SLC6A14: variants seen among roughly 807,000 people sequenced by gnomAD.
The protein encoded by SLC6A14 is sodium- and chloride-dependent neutral and basic amino acid transporter B(0+).
In SLC6A14, 21 loss-of-function variants were observed where a neutral mutation model predicts 51.4. The observed-to-expected ratio is 0.41, with a 90% CI of 0.29 to 0.59. The LOEUF (loss-of-function observed/expected upper bound fraction) is 0.59, where lower values mean the gene tolerates loss of function less well. SLC6A14 is among the 20% of genes least tolerant of loss of function. SLC6A14 has a pLI of 0.31. For synonymous variants in SLC6A14, 177 were observed against 160.7 expected, an observed-to-expected ratio of 1.10 and a Z score of -0.77; for missense variants, 371 against 472.8, an observed-to-expected ratio of 0.78 and a Z score of 2.00.
In SLC6A14 at chrX:116,457,619, T is replaced by C. The variant is rs782570814; in HGVS notation, c.1625T>C (p.Ile542Thr). Residue 542 changes from isoleucine to threonine, a missense_variant, in exon 13 of 14, where the codon ATC (isoleucine) becomes ACC (threonine). Around this residue, in one of 2 missense-constraint regions of SLC6A14, gnomAD observed 94 missense variants for 81.0 expected, o/e 1.16. Transcript: ENST00000598581. ...ITPILLIAIFIWSLVQFHRPN... is the reference protein window; with the variant it reads ...ITPILLIAIFTWSLVQFHRPN... Reference sequence around the variant, plus strand: ...ATTTAACTTTGACAGGCAATATTTATCTGGTCATTGGTGCAATTTCATAGA... The same window carrying C: ...ATTTAACTTTGACAGGCAATATTTACCTGGTCATTGGTGCAATTTCATAGA... 8.3e-7 allele frequency: 1 copy of C among 1,206,066 alleles called. No individual in the cohort carries two copies. The highest frequency in any genetic ancestry group is 1.1e-6 in the Non-Finnish European group (1 of 892,159).
intron 6 of SLC6A14, 59 bp from the exon 7 acceptor site, chrX:116,446,682 C>T: frequency 1.1e-6 from 1 of 919,624 alleles, no homozygotes; most frequent in East Asian, 3.1e-5. Flanking sequence ...TACTTGTATA[C>T]AGTTATACAC....
At chrX:116,441,179 A>G in intron 3 of SLC6A14, 82 bp downstream of exon 3, 1 of 965,004 alleles carries the variant, frequency 1.0e-6, no homozygotes, top group East Asian at 3.2e-5. Context: ...AGCTACCTTC[A>G]CTGTGAGGAA....
chrX:116,449,519 A>G (rs1175791458), intron 7 of SLC6A14, among the ~76,000 whole-genome samples: 2 of 111,931 alleles, frequency 1.8e-5, no homozygotes, highest in Non-Finnish European at 1.9e-5. Context: ...TTCTAACACA[A>G]TTTTCTAAAA....
At chrX:116,445,133 G>GT (rs1190388989) in intron 6 of SLC6A14, 83 bp downstream of exon 6, 132 of 964,854 alleles carry the variant, frequency 1.4e-4, no homozygotes, top group South Asian at 7.1e-4. Context: ...CCAAAAGCAT[G>GT]TTTTTTTTCT....
At chrX:116,444,268 C>T (rs896159856) in intron 5 of SLC6A14, among the ~76,000 whole-genome samples, 3 of 112,013 alleles carry the variant, frequency 2.7e-5, no homozygotes. Flanking sequence ...TCTCTACTTA[C>T]TCTATATCTA....
chrX:116,447,257 A>G lies in SLC6A14; in HGVS notation c.930+376A>G, dbSNP rs782458922. On this transcript the variant is annotated intron_variant, in intron 7 of 13. Transcript: ENST00000598581. The stretch of plus-strand genomic sequence containing the variant: ...GGATAAACTCAGACTAGCTTTAGAG[A>G]TTACTGTTGAAAGTTTAATAGTCTA... Among the ~76,000 whole-genome samples, 3 of 112,136 alleles carry G rather than the reference A, an allele frequency of 2.7e-5. No homozygotes were observed. The South Asian group carries it at 1.1e-3, about 41-fold the overall frequency.
In SLC6A14 at chrX:116,455,460, T is replaced by G; in HGVS notation, c.1608T>G (p.Leu536=). 8.7e-7 allele frequency: 1 copy of G among 1,150,907 alleles called. No homozygotes were observed. The highest frequency in any genetic ancestry group is 1.2e-6 in the Non-Finnish European group (1 of 840,810). 94.8% of individuals were successfully genotyped at this position (1,150,907 alleles called of 1,213,427 possible). The change falls in exon 12 of 14, where the codon CTT becomes CTG. Residue 536 remains leucine, a synonymous_variant. Coordinates refer to ENST00000598581, the MANE Select transcript of SLC6A14 (RefSeq NM_007231.5). Reference sequence around the variant, plus strand: ...GCTGGTTTGTAATTACGCCTATCCTTTTGATTGTAAGTAATAATACACCAT... The same window carrying G: ...GCTGGTTTGTAATTACGCCTATCCTGTTGATTGTAAGTAATAATACACCAT... ...RACWFVITPI[L]LIAIFIWSLV... is the part of the protein sequence containing the mutation.
intron 2 of SLC6A14, 105 bp from the exon 3 acceptor site, chrX:116,440,861 T>G: frequency 1.1e-6 from 1 of 891,512 alleles, no homozygotes; most frequent in Non-Finnish European, 1.6e-6. Flanking sequence ...CAGCGCTCTT[T>G]GATTCCAATA....
intron 5 of SLC6A14, 65 bp from the exon 6 acceptor site, chrX:116,444,852 CA>C: frequency 9.0e-7 from 1 of 1,114,087 alleles, no homozygotes; most frequent in Non-Finnish European, 1.2e-6. Context: ...AATGGTATTA[CA>C]AAACTCAATG....
At chrX:116,452,712 A>G (rs1569539751) in intron 8 of SLC6A14, among the ~76,000 whole-genome samples, 2 of 111,579 alleles carry the variant, frequency 1.8e-5, no homozygotes, top group South Asian at 7.4e-4. Flanking sequence ...TTCTTTGTCA[A>G]TCTTAAAAAA....
At chrX:116,443,935 T>A in intron 5 of SLC6A14, 145 bp downstream of exon 5, 1 of 491,287 alleles carries the variant, frequency 2.0e-6, no homozygotes, top group Non-Finnish European at 3.2e-6. Flanking sequence ...AACTCAAATG[T>A]CTACCTATCC....
chrX:116,449,878 T>A (rs1230890694), intron 7 of SLC6A14, among the ~76,000 whole-genome samples: 12 of 112,026 alleles, frequency 1.1e-4, no homozygotes, highest in Non-Finnish European at 1.7e-4. Context: ...ATCTAATTGA[T>A]TTAATTGATA....
chrX:116,441,219 A>T, intron 3 of SLC6A14, 122 bp downstream of exon 3: 1 of 726,279 alleles, frequency 1.4e-6, no homozygotes, highest in Non-Finnish European at 2.0e-6. Flanking sequence ...CTGACAATTT[A>T]AAGCAAAGAA....
intron 10 of SLC6A14, among the ~76,000 whole-genome samples, chrX:116,454,754 T>C (rs1602515189): frequency 9.0e-6 from 1 of 111,731 alleles, no homozygotes; most frequent in Non-Finnish European, 1.9e-5. Flanking sequence ...TCAACAAATT[T>C]AAGTGCTTAT....
At position 116,455,251 on chromosome X, in the gene SLC6A14, T is replaced by C. The variant is rs139200066; in HGVS notation, c.1505-106T>C. On this transcript the variant is annotated intron_variant, in intron 11 of 13. Coordinates refer to ENST00000598581, the MANE Select transcript of SLC6A14 (RefSeq NM_007231.5). ...ATATAATTACAGGTGTATGATTCAT[T>C]GTTGTGGTAGAGAAAAATGTTTAGA... is the stretch of plus-strand genomic sequence containing the variant. 482 of 696,268 alleles carry C rather than the reference T, an allele frequency of 6.9e-4. 5 individuals carry two copies. In the East Asian group the frequency reaches 0.015, roughly 22 times the overall value. The allele number at this position is 696,268 out of a possible 1,213,427, so 57.4% of individuals were successfully genotyped here.
intron 10 of SLC6A14, 62 bp downstream of exon 10, chrX:116,454,504 T>A (rs1927887054): frequency 2.9e-6 from 2 of 688,849 alleles, no homozygotes; most frequent in Non-Finnish European, 4.5e-6. Flanking sequence ...ATAACCTAAC[T>A]AAAGAAACCA....
chrX:116,457,799 T>C, intron 13 of SLC6A14, 23 bp downstream of exon 13: 1 of 1,084,226 alleles, frequency 9.2e-7, no homozygotes, highest in Non-Finnish European at 1.3e-6. Flanking sequence ...AAATTGTTTA[T>C]ACTTTACACA....
chrX:116,455,333 C>T (rs1927910973), intron 11 of SLC6A14, 24 bp from the exon 12 acceptor site: 4 of 1,117,118 alleles, frequency 3.6e-6, no homozygotes, highest in Non-Finnish European at 4.9e-6. Context: ...AGCAAGCACT[C>T]AATGTACTCT....
At chrX:116,447,194 A>G (rs1927732038) in intron 7 of SLC6A14, among the ~76,000 whole-genome samples, 1 of 111,817 alleles carries the variant, frequency 8.9e-6, no homozygotes, top group Non-Finnish European at 1.9e-5. Context: ...TCATGCATAA[A>G]TACCCGCAAG....
Sources: allele counts gnomAD v4.1 joint callset (sites outside exome capture counted in the v4.1 genomes callset), GRCh38; gene constraint gnomAD v4.1.1; regional missense constraint gnomAD v4.1.1; transcripts MANE v1.5; gene names NCBI Gene and HGNC (gene_info 2026-07-23, HGNC 2026-07-21).